Variants in LRBA observed in about 807,000 individuals in gnomAD.
The protein encoded by LRBA is lipopolysaccharide-responsive and beige-like anchor protein.
In LRBA, 176 loss-of-function variants were observed where a neutral mutation model predicts 330.0. The ratio of observed to expected loss-of-function variants is 0.53; its 90% CI spans 0.47 to 0.60. LRBA has a LOEUF of 0.60. Among genes scored for constraint, LRBA ranks in the 20% least tolerant of loss-of-function variants. LRBA has a pLI of 0.00. For missense variants in LRBA, 3,259 were observed against 3,444.8 expected (o/e 0.95, Z 1.35); for synonymous variants, 1,230 against 1,193.0 (o/e 1.03, Z -0.64).
At chr4:150,382,349 C>T (rs1432144342) in intron 47 of LRBA, among the ~76,000 whole-genome samples, 5 of 152,076 alleles carry the variant, frequency 3.3e-5, no homozygotes, top group Admixed American at 3.3e-4. Context: ...TGGGGCTGGG[C>T]ACGGTGGCTC....
chr4:150,620,007 CA>C (rs1175305589), intron 37 of LRBA, among the ~76,000 whole-genome samples: 3 of 152,000 alleles, frequency 2.0e-5, no homozygotes, highest in African/African-American at 7.2e-5. Flanking sequence ...AATTTAACTA[CA>C]AAAAATTTAT....
At chr4:150,343,670 A>T (rs1413623697) in intron 48 of LRBA, among the ~76,000 whole-genome samples, 4 of 151,892 alleles carry the variant, frequency 2.6e-5, no homozygotes. Flanking sequence ...ATTTCACCAT[A>T]CTTCCATGGC....
At chr4:150,404,613 C>A (rs1159148050) in intron 47 of LRBA, among the ~76,000 whole-genome samples, 1 of 152,084 alleles carries the variant, frequency 6.6e-6, no homozygotes, top group South Asian at 2.1e-4. Context: ...CATTTCCCCC[C>A]ACACTTTCAG....
intron 37 of LRBA, among the ~76,000 whole-genome samples, chr4:150,631,546 C>T (rs1352286158): frequency 2.0e-5 from 3 of 152,094 alleles, no homozygotes; most frequent in East Asian, 1.9e-4. Context: ...TCTTAAATTT[C>T]GATATGTATT....
intron 5 of LRBA, 69 bp from the exon 6 acceptor site, chr4:150,916,807 A>G: frequency 8.4e-7 from 1 of 1,195,766 alleles, no homozygotes; most frequent in Non-Finnish European, 1.2e-6. Context: ...TGAAAATAAG[A>G]CTTTGCAATG....
chr4:150,641,006 T>C (rs540590123), intron 37 of LRBA, among the ~76,000 whole-genome samples: 3 of 152,296 alleles, frequency 2.0e-5, no homozygotes, highest in African/African-American at 7.2e-5. Context: ...TATTTTCTCA[T>C]GGCAATGCCT....
At chr4:150,775,964 T>C (rs925803240) in intron 34 of LRBA, among the ~76,000 whole-genome samples, 1 of 151,984 alleles carries the variant, frequency 6.6e-6, no homozygotes, top group Non-Finnish European at 1.5e-5. Flanking sequence ...GAAAAATATG[T>C]AATTCATAGT....
At chr4:150,603,882 A>G (rs1326571789) in intron 37 of LRBA, among the ~76,000 whole-genome samples, 1 of 152,144 alleles carries the variant, frequency 6.6e-6, no homozygotes, top group Non-Finnish European at 1.5e-5. Flanking sequence ...TTTTAGAAAG[A>G]AATATAACTC....
intron 2 of LRBA, among the ~76,000 whole-genome samples, chr4:150,961,891 T>C (rs1440044932): frequency 1.3e-5 from 2 of 149,500 alleles, no homozygotes; most frequent in South Asian, 2.1e-4. Context: ...GAATCTTATG[T>C]ATATTAAATG....
intron 36 of LRBA, among the ~76,000 whole-genome samples, chr4:150,693,619 T>A (rs1784354574): frequency 2.6e-5 from 3 of 115,384 alleles, no homozygotes; most frequent in Non-Finnish European, 4.0e-5. Flanking sequence ...AAAAGAAACA[T>A]ACTTAAGTTT....
chr4:150,398,729 T>C (rs1745075423), intron 47 of LRBA, among the ~76,000 whole-genome samples: 1 of 152,002 alleles, frequency 6.6e-6, no homozygotes, highest in Non-Finnish European at 1.5e-5. Context: ...TGGGCTCAAG[T>C]GATCATCCCA....
At chr4:150,671,041 T>TGTGTGTGTGTGTGTGA (rs779665914) in intron 37 of LRBA, among the ~76,000 whole-genome samples, 8 of 142,746 alleles carry the variant, frequency 5.6e-5, no homozygotes, top group East Asian at 2.1e-4. Context: ...TGTGTGTGTG[T>TGTGTGTGTGTGTGTGA]GAGAGAGAGA....
intron 13 of LRBA, among the ~76,000 whole-genome samples, 189 bp downstream of exon 13, chr4:150,905,649 C>A: frequency 6.6e-6 from 1 of 151,752 alleles, no homozygotes; most frequent in South Asian, 2.1e-4. Flanking sequence ...TGTATATATT[C>A]ATACACACAC....
At chr4:150,934,712 A>T (rs898105308) in intron 2 of LRBA, among the ~76,000 whole-genome samples, 2 of 152,034 alleles carry the variant, frequency 1.3e-5, no homozygotes, top group Non-Finnish European at 2.9e-5. Flanking sequence ...AGCTCCGTTA[A>T]AAATACAAAA....
At chr4:150,622,678 C>T (rs952655232) in intron 37 of LRBA, among the ~76,000 whole-genome samples, 1 of 138,410 alleles carries the variant, frequency 7.2e-6, no homozygotes, top group East Asian at 2.2e-4. Flanking sequence ...CAACAGTCAC[C>T]TAAATCAATC....
intron 37 of LRBA, among the ~76,000 whole-genome samples, chr4:150,611,739 TGTAA>T (rs1162487021): frequency 6.6e-6 from 1 of 152,202 alleles, no homozygotes; most frequent in Non-Finnish European, 1.5e-5. Flanking sequence ...GGTCAGTATT[TGTAA>T]GTAAGTAGCC....
intron 56 of LRBA, among the ~76,000 whole-genome samples, chr4:150,274,324 T>C (rs1334450495): frequency 6.6e-6 from 1 of 152,158 alleles, no homozygotes; most frequent in Non-Finnish European, 1.5e-5. Flanking sequence ...TTGAAGGAAA[T>C]TTATAGTACG....
At chr4:150,978,709 G>A (rs567099592) in intron 2 of LRBA, among the ~76,000 whole-genome samples, 7 of 152,226 alleles carry the variant, frequency 4.6e-5, no homozygotes, top group African/African-American at 1.4e-4. Context: ...GAATCAAGCA[G>A]AAATTTGAGA....
At chr4:150,824,614 A>G (rs1745960686) in intron 30 of LRBA, among the ~76,000 whole-genome samples, 1 of 152,094 alleles carries the variant, frequency 6.6e-6, no homozygotes, top group Non-Finnish European at 1.5e-5. Flanking sequence ...GGTTTTTATC[A>G]TGAAGGAATA....
Sources: allele counts gnomAD v4.1 joint callset (sites outside exome capture counted in the v4.1 genomes callset), GRCh38; gene constraint gnomAD v4.1.1; transcripts MANE v1.5; gene names NCBI Gene and HGNC (gene_info 2026-07-23, HGNC 2026-07-21).